PTPRT: variants seen among roughly 807,000 people sequenced by gnomAD.
PTPRT encodes the protein protein tyrosine phosphatase receptor type T.
A neutral mutation model predicts 176.8 loss-of-function variants in PTPRT; 56 were observed. The ratio of observed to expected loss-of-function variants is 0.32; its 90% confidence interval spans 0.26 to 0.40. PTPRT has a LOEUF of 0.40. Among genes scored for constraint, PTPRT ranks in the 10% least tolerant of loss-of-function variants. The pLI is 1.00. For missense variants in PTPRT, 1,540 were observed against 1,908.2 expected, an observed-to-expected ratio of 0.81 and a Z score of 3.60; for synonymous variants, 783 against 739.0, an observed-to-expected ratio of 1.06 and a Z score of -0.96.
rs1339025986 is a variant in PTPRT, at chr20:43,189,735, C to T, written c.-2G>A. 2 of 1,231,156 alleles carry T rather than the reference C, an allele frequency of 1.6e-6. No individual in the cohort carries two copies. Among genetic ancestry groups the T allele is most frequent in the African/African-American group, 1.6e-5 (1 of 62,676 alleles). The allele number at this position is 1,231,156 out of a possible 1,614,324, so 76.3% of individuals were successfully genotyped here. Reference sequence around the variant, plus strand: ...GGCGAGCGCGGCGAGGCTCGCCATCCGGGCGGCGGCGGGCAGCTCAGCCCC... The same window carrying T: ...GGCGAGCGCGGCGAGGCTCGCCATCTGGGCGGCGGCGGGCAGCTCAGCCCC... On this transcript the variant is annotated 5_prime_UTR_variant, in exon 1 of 31. Transcript: ENST00000373187. The surrounding 1 kb of genome is among the most constrained non-coding windows in gnomAD (Gnocchi z 5.0).
chr20:42,410,050 A>C (rs1211382837), intron 9 of PTPRT, among the ~76,000 whole-genome samples: 1 of 152,182 alleles, frequency 6.6e-6, no homozygotes, highest in Non-Finnish European at 1.5e-5. Flanking sequence ...ATTTTGAAAA[A>C]CAACGGTAAC....
At chr20:42,287,107 G>A (rs1240229452) in intron 12 of PTPRT, among the ~76,000 whole-genome samples, 1 of 151,946 alleles carries the variant, frequency 6.6e-6, no homozygotes, top group African/African-American at 2.4e-5. Flanking sequence ...AGGATGTGCA[G>A]AAAAGGGAAC....
intron 7 of PTPRT, among the ~76,000 whole-genome samples, chr20:42,528,133 T>A (rs2072311258): frequency 6.6e-6 from 1 of 152,230 alleles, no homozygotes; most frequent in African/African-American, 2.4e-5. Context: ...GAACATGTTA[T>A]GCTTCTTCCA....
chr20:42,235,284 T>C (rs6030078), intron 15 of PTPRT, among the ~76,000 whole-genome samples: 88,833 of 151,382 alleles, frequency 0.59, 26,378 homozygotes, highest in African/African-American at 0.62. Flanking sequence ...TATTTTGAGA[T>C]GGAGTTTTGC....
At chr20:42,103,213 C>T (rs764043373) in intron 25 of PTPRT, among the ~76,000 whole-genome samples, 10 of 152,174 alleles carry the variant, frequency 6.6e-5, no homozygotes, top group Non-Finnish European at 1.5e-4. Context: ...TGTCCAGGCT[C>T]CCTAGACCAA....
Position 42,118,398 on chromosome 20 carries a change from C to T in PTPRT, c.2982+5G>A. 1 of 1,608,662 alleles carries T rather than the reference C, an allele frequency of 6.2e-7. No homozygotes were observed. The highest frequency in any genetic ancestry group is 8.5e-7 in the Non-Finnish European group (1 of 1,177,110). ...TCTGCCCAGGCGAGTGCAGGAGAGG[C>T]TTACCCTGCCCACTTCCACCAGGTT... On this transcript the variant is annotated splice_donor_5th_base_variant and intron_variant, in intron 21 of 30. Coordinates refer to ENST00000373187, the MANE Select transcript of PTPRT (RefSeq NM_007050.6).
intron 2 of PTPRT, among the ~76,000 whole-genome samples, chr20:42,841,284 A>G (rs1384592303): frequency 1.3e-5 from 2 of 152,180 alleles, no homozygotes; most frequent in Non-Finnish European, 2.9e-5. Context: ...GCTATTACAC[A>G]GCTGAACATC....
intron 11 of PTPRT, among the ~76,000 whole-genome samples, chr20:42,326,382 A>C (rs1444909521): frequency 6.6e-6 from 1 of 152,216 alleles, no homozygotes; most frequent in African/African-American, 2.4e-5. Flanking sequence ...CACATTTTAG[A>C]AAGGAAAGCA....
chr20:42,760,112 C>T (rs1035711336), intron 5 of PTPRT, among the ~76,000 whole-genome samples: 1 of 152,118 alleles, frequency 6.6e-6, no homozygotes, highest in Non-Finnish European at 1.5e-5. Context: ...TCAGGGCTCA[C>T]GAGGCAGAGA....
At chr20:43,183,769 T>C (rs1437086793) in intron 1 of PTPRT, among the ~76,000 whole-genome samples, 3 of 152,264 alleles carry the variant, frequency 2.0e-5, no homozygotes, top group African/African-American at 7.2e-5. Flanking sequence ...GCCTTATCTG[T>C]GCATCTCATA....
At chr20:42,198,749 T>C (rs1004903115) in intron 16 of PTPRT, among the ~76,000 whole-genome samples, 1 of 152,210 alleles carries the variant, frequency 6.6e-6, no homozygotes, top group Non-Finnish European at 1.5e-5. Flanking sequence ...AATCTAAATA[T>C]GTAACTCATC....
intron 2 of PTPRT, among the ~76,000 whole-genome samples, chr20:42,802,309 G>T (rs1308143686): frequency 6.6e-6 from 1 of 152,200 alleles, no homozygotes; most frequent in African/African-American, 2.4e-5. Context: ...TACCACAGGG[G>T]TGCTAACTTG....
intron 6 of PTPRT, among the ~76,000 whole-genome samples, chr20:42,692,965 T>C (rs2075815151): frequency 6.6e-6 from 1 of 152,128 alleles, no homozygotes; most frequent in African/African-American, 2.4e-5. Context: ...ACACCTTGAT[T>C]TGGAAGATGG....
intron 27 of PTPRT, among the ~76,000 whole-genome samples, chr20:42,088,899 T>C (rs1265939332): frequency 2.6e-5 from 4 of 152,238 alleles, no homozygotes; most frequent in African/African-American, 9.7e-5. Flanking sequence ...TAAATTCCAG[T>C]GATTCATACC....
At chr20:42,167,913 C>T (rs748684736) in intron 16 of PTPRT, among the ~76,000 whole-genome samples, 4 of 152,278 alleles carry the variant, frequency 2.6e-5, no homozygotes, top group East Asian at 1.9e-4. Flanking sequence ...TAACTTATGA[C>T]GCCCTCAAAA....
At chr20:42,530,429 C>T (rs2072361144) in intron 7 of PTPRT, among the ~76,000 whole-genome samples, 1 of 152,154 alleles carries the variant, frequency 6.6e-6, no homozygotes, top group Admixed American at 6.5e-5. Context: ...ATAATCACAA[C>T]ATAATGTGTT....
At chr20:42,919,989 C>T (rs1219357246) in intron 1 of PTPRT, among the ~76,000 whole-genome samples, 1 of 152,214 alleles carries the variant, frequency 6.6e-6, no homozygotes, top group Admixed American at 6.5e-5. Context: ...CACTTTGTTA[C>T]AACTTCTGAT....
At chr20:42,588,273 G>A (rs1157476687) in intron 7 of PTPRT, among the ~76,000 whole-genome samples, 8 of 152,050 alleles carry the variant, frequency 5.3e-5, no homozygotes, top group East Asian at 3.9e-4. Context: ...GTGAAATGCC[G>A]TCTCTACTAA....
At chr20:42,295,483 G>A (rs1254963523) in intron 12 of PTPRT, among the ~76,000 whole-genome samples, 1 of 152,104 alleles carries the variant, frequency 6.6e-6, no homozygotes, top group Non-Finnish European at 1.5e-5. Context: ...CAAAAAATAC[G>A]ACTGAGGAAA....
Sources: gnomAD v4.1 joint callset for allele counts (sites outside exome capture counted in the v4.1 genomes callset) on GRCh38, gnomAD v4.1.1 for gene constraint, Gnocchi (gnomAD v3.1) non-coding constraint, MANE v1.5 for transcripts, NCBI Gene and HGNC (gene_info 2026-07-23, HGNC 2026-07-21) for gene names.